Variants in COG3 observed in about 807,000 individuals in gnomAD.
COG3 encodes component of oligomeric golgi complex 3.
A neutral mutation model predicts 114.1 loss-of-function variants in COG3; 32 were observed. The observed-to-expected ratio is 0.28, with a 90% CI of 0.21 to 0.38. The LOEUF is 0.38. Among genes scored for constraint, COG3 ranks in the 10% least tolerant of loss-of-function variants. The probability of loss-of-function intolerance (pLI) is 1.00; values close to 1 mark genes in which losing one functional copy is unlikely to be tolerated. For missense variants in COG3, 813 were observed against 973.2 expected (o/e 0.84, Z 2.19); for synonymous variants, 352 against 365.7 (o/e 0.96, Z 0.43).
At chr13:45,481,186 T>C in intron 4 of COG3, 44 bp from the exon 5 acceptor site, 1 of 1,067,438 alleles carries the variant, frequency 9.4e-7, no homozygotes, top group Admixed American at 2.0e-5. Flanking sequence ...TGTTGATTCT[T>C]ATATTCTTAT....
chr13:45,492,008 C>T (rs540389515), intron 10 of COG3, 151 bp from the exon 11 acceptor site: 20 of 496,044 alleles, frequency 4.0e-5, no homozygotes, highest in Non-Finnish European at 6.9e-5. Context: ...ATGCAGTCAT[C>T]TATCGAAAAC....
chr13:45,495,470 C>T (rs906589036), intron 12 of COG3, among the ~76,000 whole-genome samples: 1 of 151,862 alleles, frequency 6.6e-6, no homozygotes, highest in Non-Finnish European at 1.5e-5. Flanking sequence ...CTCAACTTCC[C>T]GGGCTCAGGT....
rs756431240 is a variant in COG3, at chr13:45,509,768, G to A, written c.1671G>A (p.Thr557=). Residue 557 remains threonine, a synonymous_variant, in exon 15 of 23, where the codon ACG becomes ACA. Transcript: ENST00000349995. ...PADLHGMWYP[T]VRRTLVCLSK... ...ATCTTCATGGAATGTGGTATCCTAC[G>A]GTTCGAAGAACTCTTGTCTGTCTCT... is the stretch of plus-strand genomic sequence containing the variant. The A allele has an allele frequency of 5.6e-6, 9 of 1,613,626 alleles. No homozygotes were observed. Among genetic ancestry groups the A allele is most frequent in the East Asian group, 2.2e-5 (1 of 44,876 alleles).
chr13:45,502,719 C>T (rs1869680180), intron 13 of COG3, among the ~76,000 whole-genome samples: 1 of 151,946 alleles, frequency 6.6e-6, no homozygotes, highest in Non-Finnish European at 1.5e-5. Flanking sequence ...CTTTAGTGCA[C>T]CTGTCACCCA....
At chr13:45,496,128 T>G (rs774744365) in intron 12 of COG3, 24 bp from the exon 13 acceptor site, 11 of 1,593,412 alleles carry the variant, frequency 6.9e-6, no homozygotes, top group Non-Finnish European at 7.7e-6. Flanking sequence ...TCTAAAAGAA[T>G]GGATGATTGC....
chr13:45,509,905 G>A, intron 15 of COG3, 89 bp downstream of exon 15: 1 of 1,286,682 alleles, frequency 7.8e-7, no homozygotes, highest in Non-Finnish European at 1.1e-6. Flanking sequence ...GTATTTTGTT[G>A]GATATTCTTA....
intron 19 of COG3, 27 bp from the exon 20 acceptor site, chr13:45,524,948 CT>C (rs750259418): frequency 2.3e-5 from 37 of 1,594,480 alleles, no homozygotes; most frequent in Non-Finnish European, 3.2e-5. Context: ...TGAAATGAAA[CT>C]TTTTTTCTTT....
intron 3 of COG3, 77 bp downstream of exon 3, chr13:45,479,143 C>G: frequency 9.5e-7 from 1 of 1,052,956 alleles, no homozygotes. Context: ...TAATCAGTGT[C>G]TTTAAATAAA....
Position 45,534,720 on chromosome 13 carries a change from G to A in COG3, c.2476G>A (p.Val826Ile), listed in dbSNP as rs145841729. Residue 826 changes from valine to isoleucine, a missense_variant, in exon 23 of 23, where the codon GTT (valine) becomes ATT (isoleucine). Val to Ile is a conservative substitution (Grantham distance 29, BLOSUM62 3). Transcript: ENST00000349995. The part of the protein sequence containing the change: ...SMEQLSLLLL[V>I]SK ...TTTTCAGCTGAGCCTTCTGCTGTTG[G>A]TTTCTAAATAAGCAGGCCAGCCGGG... 2 of 1,564,578 alleles carry A rather than the reference G, an allele frequency of 1.3e-6. No homozygotes were observed. Among genetic ancestry groups the A allele is most frequent in the South Asian group, 1.2e-5 (1 of 84,516 alleles).
intron 13 of COG3, among the ~76,000 whole-genome samples, chr13:45,500,092 G>A (rs1248119348): frequency 9.4e-4 from 39 of 41,602 alleles, no homozygotes; most frequent in African/African-American, 2.1e-3. Flanking sequence ...GTGTGTGTGT[G>A]TGTATATATA....
Position 45,530,682 on chromosome 13 carries a change from A to G in COG3, c.2359A>G (p.Asn787Asp). 6.3e-7 allele frequency: 1 copy of G among 1,581,500 alleles called. No individual in the cohort carries two copies. Among genetic ancestry groups the G allele is most frequent in the Non-Finnish European group, 8.7e-7 (1 of 1,150,498 alleles). Residue 787 changes from asparagine to aspartate, a missense_variant and splice_region_variant, in exon 22 of 23, where the codon AAT becomes GAT. This residue lies in a region of COG3 where 389 missense variants were observed against 542.6 expected (regional missense o/e 0.72). Transcript: ENST00000349995. Reference sequence around the variant, plus strand: ...AAGATCTCCTCTCCTCCTTTCTAAGAATAATATTCAGCAAGTCTTCCAGAA... The same window carrying G: ...AAGATCTCCTCTCCTCCTTTCTAAGGATAATATTCAGCAAGTCTTCCAGAA... ...TEFILFKPVR[N>D]NIQQVFQKFH...
At chr13:45,500,777 C>T (rs913594533) in intron 13 of COG3, among the ~76,000 whole-genome samples, 9 of 152,186 alleles carry the variant, frequency 5.9e-5, no homozygotes, top group African/African-American at 2.2e-4. Context: ...ATTCCAGGAT[C>T]CCATTTACAA....
At chr13:45,488,842 A>G (rs987449017) in intron 8 of COG3, among the ~76,000 whole-genome samples, 3 of 151,868 alleles carry the variant, frequency 2.0e-5, no homozygotes, top group Non-Finnish European at 4.4e-5. Context: ...AGAAATAATA[A>G]TCTACTTTTG....
At chr13:45,504,025 A>G (rs1289370194) in intron 14 of COG3, among the ~76,000 whole-genome samples, 6 of 152,086 alleles carry the variant, frequency 3.9e-5, no homozygotes, top group Admixed American at 6.5e-5. Context: ...CACCCTGGAT[A>G]CTCATTAGGG....
intron 6 of COG3, among the ~76,000 whole-genome samples, chr13:45,482,782 T>G (rs1190267147): frequency 6.6e-6 from 1 of 152,194 alleles, no homozygotes; most frequent in African/African-American, 2.4e-5. Context: ...ATGAGCCGTT[T>G]TTAAATTGTT....
At chr13:45,495,216 G>T (rs1868618400) in intron 12 of COG3, among the ~76,000 whole-genome samples, 1 of 143,172 alleles carries the variant, frequency 7.0e-6, no homozygotes, top group Non-Finnish European at 1.5e-5. Context: ...TTGAACTCCT[G>T]GACTCAAGTG....
intron 19 of COG3, among the ~76,000 whole-genome samples, chr13:45,520,527 A>T (rs2985981): frequency 6.6e-6 from 1 of 151,974 alleles, no homozygotes; most frequent in Non-Finnish European, 1.5e-5. Context: ...TTCTTGTTGG[A>T]TCCATCAACG....
intron 19 of COG3, among the ~76,000 whole-genome samples, chr13:45,521,244 A>G (rs566771304): frequency 1.3e-5 from 2 of 152,332 alleles, no homozygotes; most frequent in Admixed American, 6.5e-5. Flanking sequence ...GACATGCTAC[A>G]TGCGTATAGC....
intron 16 of COG3, among the ~76,000 whole-genome samples, chr13:45,513,266 AAATTATATATAATATATACATAT>A (rs1871113045): frequency 4.5e-5 from 2 of 44,800 alleles, no homozygotes; most frequent in Non-Finnish European, 8.3e-5. Flanking sequence ...ATATACATAT[AAATTATATATAATATATACATAT>A]AAATTATACA....
Sources: gnomAD v4.1 joint callset for allele counts (sites outside exome capture counted in the v4.1 genomes callset) on GRCh38, gnomAD v4.1.1 for gene constraint, gnomAD v4.1.1 regional missense constraint, MANE v1.5 for transcripts, NCBI Gene and HGNC (gene_info 2026-07-23, HGNC 2026-07-21) for gene names.